The following CDIN1 variants were observed in gnomAD, a reference collection of about 807,000 sequenced individuals.
CDIN1 encodes CDAN1-interacting nuclease 1.
Under a neutral mutation model 45.3 loss-of-function variants are expected in CDIN1, and 33 were observed. That is an observed-to-expected ratio of 0.73 (90% CI 0.55 to 0.97). The LOEUF (loss-of-function observed/expected upper bound fraction) is 0.97. CDIN1 is among the 50% of genes least tolerant of loss of function. CDIN1 has a pLI of 0.00. For missense variants in CDIN1, 303 were observed against 339.4 expected (o/e 0.89, Z 0.84); for synonymous variants, 118 against 124.4 (o/e 0.95, Z 0.34).
At chr15:36,686,565 A>T (rs1241733065) in intron 5 of CDIN1, among the ~76,000 whole-genome samples, 4 of 150,340 alleles carry the variant, frequency 2.7e-5, no homozygotes, top group Admixed American at 6.6e-5. Flanking sequence ...ATAATAATAA[A>T]AAAAAAAAAA....
intron 5 of CDIN1, among the ~76,000 whole-genome samples, chr15:36,663,056 C>G (rs1275631988): frequency 6.6e-6 from 1 of 151,866 alleles, no homozygotes; most frequent in East Asian, 1.9e-4. Context: ...AAAAACATCT[C>G]TTTGAAAGGA....
intron 5 of CDIN1, among the ~76,000 whole-genome samples, chr15:36,660,510 C>A (rs371987066): frequency 1.8e-4 from 28 of 152,140 alleles, no homozygotes; most frequent in South Asian, 6.2e-4. Context: ...ACATATAAGC[C>A]ATGTAATTTT....
intron 1 of CDIN1, among the ~76,000 whole-genome samples, chr15:36,633,359 A>G (rs1483833359): frequency 1.3e-5 from 2 of 151,812 alleles, no homozygotes; most frequent in Non-Finnish European, 2.9e-5. Flanking sequence ...ACCTGAGGTA[A>G]CTCTTTTCTT....
At chr15:36,680,271 T>C (rs2041804248) in intron 5 of CDIN1, among the ~76,000 whole-genome samples, 2 of 152,210 alleles carry the variant, frequency 1.3e-5, no homozygotes, top group Admixed American at 1.3e-4. Context: ...TTGCCCTTCT[T>C]TCTGTTGTTT....
chr15:36,654,525 A>C (rs942199645), intron 4 of CDIN1, among the ~76,000 whole-genome samples: 10 of 151,790 alleles, frequency 6.6e-5, no homozygotes, highest in African/African-American at 1.9e-4. Context: ...AAAAAAAAAA[A>C]AAAAAAACTG....
At chr15:36,749,003 GC>G (rs1393277853) in intron 10 of CDIN1, among the ~76,000 whole-genome samples, 2 of 152,080 alleles carry the variant, frequency 1.3e-5, no homozygotes, top group African/African-American at 4.8e-5. Context: ...CACAGAGACG[GC>G]CACGTGATTT....
chr15:36,625,956 T>A (rs2039405526), intron 1 of CDIN1, among the ~76,000 whole-genome samples: 1 of 152,130 alleles, frequency 6.6e-6, no homozygotes, highest in African/African-American at 2.4e-5. Context: ...TAAGCATTTT[T>A]ATCAGATTAT....
chr15:36,798,923 A>G (rs2054912564), intron 10 of CDIN1: 1 of 152,226 alleles, frequency 6.6e-6, no homozygotes, highest in Non-Finnish European at 1.5e-5. Context: ...TGGTTGATTA[A>G]CTGGCAAACA....
At chr15:36,661,295 C>T (rs1671469629) in intron 5 of CDIN1, among the ~76,000 whole-genome samples, 1 of 152,204 alleles carries the variant, frequency 6.6e-6, no homozygotes, top group African/African-American at 2.4e-5. Flanking sequence ...GAGCTCTTCA[C>T]TCATCATGCC....
intron 1 of CDIN1, among the ~76,000 whole-genome samples, chr15:36,590,603 C>G (rs1026191155): frequency 6.6e-6 from 1 of 152,066 alleles, no homozygotes; most frequent in African/African-American, 2.4e-5. Context: ...TTTAAAATAC[C>G]TGGTATATCA....
chr15:36,677,947 G>A (rs2041708867), intron 5 of CDIN1, among the ~76,000 whole-genome samples: 2 of 152,212 alleles, frequency 1.3e-5, no homozygotes, highest in African/African-American at 4.8e-5. Context: ...AAGGCTGCAA[G>A]TTGCCTGAGA....
At chr15:36,669,747 T>TATG (rs2041378345) in intron 5 of CDIN1, among the ~76,000 whole-genome samples, 1 of 152,094 alleles carries the variant, frequency 6.6e-6, no homozygotes, top group African/African-American at 2.4e-5. Context: ...CAGAGGATAT[T>TATG]CTGCATAATG....
At chr15:36,731,170 TA>T (rs1414356098) in intron 10 of CDIN1, among the ~76,000 whole-genome samples, 2 of 152,116 alleles carry the variant, frequency 1.3e-5, no homozygotes, top group African/African-American at 4.8e-5. Flanking sequence ...TTAGATCTGA[TA>T]AAAGCCATCA....
intron 10 of CDIN1, among the ~76,000 whole-genome samples, chr15:36,782,126 T>C (rs2141056748): frequency 6.6e-6 from 1 of 152,308 alleles, no homozygotes; most frequent in East Asian, 1.9e-4. Context: ...GCCTTGACTT[T>C]TCAAGAGTGT....
chr15:36,645,687 T>C (rs946919240), intron 3 of CDIN1, among the ~76,000 whole-genome samples: 7 of 152,166 alleles, frequency 4.6e-5, no homozygotes, highest in South Asian at 2.1e-4. Flanking sequence ...ATTTCTTAGA[T>C]TAGCAAGTTG....
intron 4 of CDIN1, 111 bp from the exon 5 acceptor site, chr15:36,657,722 G>C (rs1301169687): frequency 1.3e-6 from 1 of 763,170 alleles, no homozygotes; most frequent in East Asian, 2.8e-5. Flanking sequence ...AATGAATGAT[G>C]CTTGCTATGG....
At chr15:36,773,067 T>TG (rs1566963932) in intron 10 of CDIN1, among the ~76,000 whole-genome samples, 1 of 149,876 alleles carries the variant, frequency 6.7e-6, no homozygotes, top group Admixed American at 6.6e-5. Context: ...ATCCTGTTTG[T>TG]GGGGGGTGGG....
chr15:36,619,102 G>A, intron 1 of CDIN1: 1 of 1,065,550 alleles, frequency 9.4e-7, no homozygotes, highest in Non-Finnish European at 1.4e-6. Context: ...GAAGCCAGAA[G>A]CAAGGGCTAG....
chr15:36,633,267 C>T (rs891827520), intron 1 of CDIN1, among the ~76,000 whole-genome samples: 1 of 151,988 alleles, frequency 6.6e-6, no homozygotes, highest in African/African-American at 2.4e-5. Flanking sequence ...GTTTTCTTTT[C>T]ACTTTGATTT....
Sources: allele counts gnomAD v4.1 joint callset (sites outside exome capture counted in the v4.1 genomes callset), GRCh38; gene constraint gnomAD v4.1.1; transcripts MANE v1.5; gene names NCBI Gene and HGNC (gene_info 2026-07-23, HGNC 2026-07-21).